CYP39A1: variants seen among roughly 807,000 people sequenced by gnomAD.
The protein encoded by CYP39A1 is cytochrome P450 family 39 subfamily A member 1.
A neutral mutation model predicts 58.1 loss-of-function variants in CYP39A1; 49 were observed. The observed-to-expected ratio is 0.84, with a 90% CI of 0.67 to 1.07. The LOEUF (loss-of-function observed/expected upper bound fraction) is 1.07, where lower values mean the gene tolerates loss of function less well. CYP39A1 is among the 50% of genes least tolerant of loss of function. CYP39A1 has a pLI of 0.00. For missense variants in CYP39A1, 531 were observed against 539.4 expected, an observed-to-expected ratio of 0.98 and a Z score of 0.16; for synonymous variants, 209 against 187.6, an observed-to-expected ratio of 1.11 and a Z score of -0.93.
At chr6:46,582,986 C>A in intron 10 of CYP39A1, 1 of 840,984 alleles carries the variant, frequency 1.2e-6, no homozygotes, top group Non-Finnish European at 1.4e-6. Context: ...TTAGATGGAC[C>A]TCTGATTTTA....
chr6:46,650,484 C>CT (rs567314746), intron 1 of CYP39A1, among the ~76,000 whole-genome samples: 2,071 of 35,188 alleles, frequency 0.059, 470 homozygotes, highest in African/African-American at 0.073. Context: ...CAGTCATATT[C>CT]TTTTTTTTTT....
At chr6:46,629,250 C>A (rs935073727) in intron 6 of CYP39A1, among the ~76,000 whole-genome samples, 1 of 152,138 alleles carries the variant, frequency 6.6e-6, no homozygotes, top group Non-Finnish European at 1.5e-5. Flanking sequence ...TCCAAAGAAC[C>A]GACTTCCCCT....
At chr6:46,616,242 C>T (rs9472796) in intron 7 of CYP39A1, among the ~76,000 whole-genome samples, 605 of 37,722 alleles carry the variant, frequency 0.016, 58 homozygotes, top group African/African-American at 0.069. Flanking sequence ...CTCCCTCCCT[C>T]CCTTCCTTCC....
At chr6:46,561,906 G>A (rs1211207437) in intron 10 of CYP39A1, among the ~76,000 whole-genome samples, 1 of 152,050 alleles carries the variant, frequency 6.6e-6, no homozygotes, top group African/African-American at 2.4e-5. Context: ...GGGGAGTTGG[G>A]GAAATGTTAT....
chr6:46,652,332 A>C (rs1409688132), intron 1 of CYP39A1, 74 bp downstream of exon 1: 2 of 1,429,696 alleles, frequency 1.4e-6, no homozygotes, highest in Non-Finnish European at 1.9e-6. Flanking sequence ...CCCTGCACTT[A>C]AGAGTCAATG....
chr6:46,591,424 AATCT>A (rs1471400662), intron 8 of CYP39A1, among the ~76,000 whole-genome samples: 2 of 152,034 alleles, frequency 1.3e-5, no homozygotes, highest in Non-Finnish European at 2.9e-5. Flanking sequence ...GGTACATTCA[AATCT>A]GTTTATCCTT....
intron 7 of CYP39A1, among the ~76,000 whole-genome samples, chr6:46,597,698 T>C (rs1326903337): frequency 6.6e-6 from 1 of 152,016 alleles, no homozygotes; most frequent in Admixed American, 6.6e-5. Context: ...AGGTGAGACA[T>C]ATGTGATGGA....
In CYP39A1 at chr6:46,642,278, G is replaced by A; in HGVS notation, c.198C>T (p.Val66=). The part of the protein sequence containing the change: ...ARIKYGPIFT[V]FAMGNRMTFV... ...AGGTCATTCGGTTTCCCATAGCAAA[G>A]ACTGTAAATATTGGTCCATACTGAA... The change falls in exon 2 of 12, where the codon GTC becomes GTT. Residue 66 remains valine, a synonymous_variant. Transcript: ENST00000275016. The A allele has an allele frequency of 1.2e-6, 2 of 1,612,468 alleles. No individual in the cohort carries two copies.
intron 10 of CYP39A1, among the ~76,000 whole-genome samples, chr6:46,578,495 T>C (rs973787811): frequency 6.6e-6 from 1 of 151,636 alleles, no homozygotes; most frequent in African/African-American, 2.4e-5. Flanking sequence ...AAACCAAAAC[T>C]TTGTTTTTTG....
chr6:46,652,340 A>G lies in CYP39A1; in HGVS notation c.177+66T>C, dbSNP rs533726741. 3.1e-5 allele frequency: 46 copies of G among 1,481,722 alleles called. No homozygotes were observed. The Admixed American group carries it at 8.8e-4, about 28-fold the overall frequency. The allele number at this position is 1,481,722 out of a possible 1,614,324, so 91.8% of individuals were successfully genotyped here. A position where few individuals can be genotyped will look rare whatever the true frequency, so the allele number is the denominator to read the frequency against. On this transcript the variant is annotated intron_variant, in intron 1 of 11. Transcript: ENST00000275016. ...GTTCTAGCCCTGCACTTAAGAGTCA[A>G]TGAAAGAAAGTTTAAAAAAGAAAGC...
chr6:46,642,378 G>T, intron 1 of CYP39A1, 80 bp from the exon 2 acceptor site: 1 of 1,373,738 alleles, frequency 7.3e-7, no homozygotes, highest in South Asian at 1.4e-5. Context: ...GAATCCTAAT[G>T]CTGAAGTTAT....
intron 10 of CYP39A1, among the ~76,000 whole-genome samples, chr6:46,557,933 CAAAAAAAAA>C (rs1186594398): frequency 1.3e-4 from 5 of 37,628 alleles, no homozygotes; most frequent in Non-Finnish European, 2.2e-4. Flanking sequence ...GACTCCATCT[CAAAAAAAAA>C]AAAAAAAAAA....
intron 11 of CYP39A1, 56 bp downstream of exon 11, chr6:46,553,711 G>T: frequency 8.6e-7 from 1 of 1,162,582 alleles, no homozygotes; most frequent in Non-Finnish European, 1.3e-6. Flanking sequence ...GGAAGTGGGG[G>T]TGGTTATGTC....
chr6:46,564,193 T>C (rs184624209), intron 10 of CYP39A1, among the ~76,000 whole-genome samples: 6 of 146,152 alleles, frequency 4.1e-5, no homozygotes, highest in Admixed American at 2.1e-4. Flanking sequence ...CTATTTTATT[T>C]TATTTTATTT....
intron 1 of CYP39A1, among the ~76,000 whole-genome samples, chr6:46,649,198 C>T (rs922139084): frequency 6.6e-6 from 1 of 152,194 alleles, no homozygotes; most frequent in Non-Finnish European, 1.5e-5. Context: ...GGATTGAAGA[C>T]TTTTGATTTT....
intron 10 of CYP39A1, among the ~76,000 whole-genome samples, chr6:46,580,967 C>G (rs938936580): frequency 1.3e-5 from 2 of 152,134 alleles, no homozygotes; most frequent in African/African-American, 4.8e-5. Context: ...TTAGAACTAC[C>G]ATTCAACCCA....
At chr6:46,602,709 A>AAAAAAAAC (rs1773587313) in intron 7 of CYP39A1, among the ~76,000 whole-genome samples, 1 of 151,268 alleles carries the variant, frequency 6.6e-6, no homozygotes, top group Non-Finnish European at 1.5e-5. Flanking sequence ...AAAAAAAAAA[A>AAAAAAAAC]AAAAGAACCA....
At chr6:46,601,665 C>CTATTATTATTAT (rs3085597) in intron 7 of CYP39A1, among the ~76,000 whole-genome samples, 38 of 145,398 alleles carry the variant, frequency 2.6e-4, no homozygotes, top group South Asian at 6.6e-4. Flanking sequence ...CTCAGGTTAC[C>CTATTATTATTAT]TATTATTATT....
At chr6:46,621,158 T>G (rs1192980525) in intron 7 of CYP39A1, among the ~76,000 whole-genome samples, 1 of 152,110 alleles carries the variant, frequency 6.6e-6, no homozygotes, top group Non-Finnish European at 1.5e-5. Flanking sequence ...GAAGACTGTC[T>G]GAATAGATTA....
Sources: gnomAD v4.1 joint callset for allele counts (sites outside exome capture counted in the v4.1 genomes callset) on GRCh38, gnomAD v4.1.1 for gene constraint, MANE v1.5 for transcripts, NCBI Gene and HGNC (gene_info 2026-07-23, HGNC 2026-07-21) for gene names.